The following LRRC49 variants were observed in gnomAD, a reference collection of about 807,000 sequenced individuals.
LRRC49 encodes the protein leucine-rich repeat-containing protein 49.
In LRRC49, 50 loss-of-function variants were observed where a neutral mutation model predicts 83.3. The observed-to-expected ratio is 0.60, with a 90% CI of 0.48 to 0.76. The LOEUF is 0.76. Among genes scored for constraint, LRRC49 ranks in the 30% least tolerant of loss-of-function variants. LRRC49 has a pLI of 0.00. For synonymous variants in LRRC49, 286 were observed against 283.3 expected (o/e 1.01, Z -0.10); for missense variants, 704 against 809.1 (o/e 0.87, Z 1.58).
At chr15:70,873,585 T>C (rs150346183) in intron 2 of LRRC49, among the ~76,000 whole-genome samples, 1 of 152,268 alleles carries the variant, frequency 6.6e-6, no homozygotes, top group African/African-American at 2.4e-5. Flanking sequence ...AGCTGGCATG[T>C]TGGAGGCAGC....
chr15:71,024,003 C>G (rs894129), intron 14 of LRRC49, among the ~76,000 whole-genome samples: 151,942 of 152,318 alleles, frequency 1, 75,783 homozygotes, highest in Non-Finnish European at 1. Flanking sequence ...CTCCCAGAGA[C>G]AGGAATGGCA....
chr15:70,856,796 G>GGA (rs916443658), intron 1 of LRRC49, among the ~76,000 whole-genome samples: 7 of 152,130 alleles, frequency 4.6e-5, no homozygotes, highest in Non-Finnish European at 7.4e-5. Flanking sequence ...TGTCTAGCAG[G>GGA]GAGCCTTCAT....
rs2034287431 is a variant in LRRC49 at position 70,905,921 on chromosome 15, T to C, written c.500+1166T>C. ...CAGATACTTCTATCTATCTGGAAAA[T>C]AGATCAGAGAATTCTTTTTATGGCC... On this transcript the variant is annotated intron_variant, in intron 5 of 15. Transcript: ENST00000260382. 2.6e-5 allele frequency among the ~76,000 whole-genome samples: 4 copies of C among 151,802 alleles called. No homozygotes were observed. In the South Asian group the frequency reaches 8.3e-4, roughly 32 times the overall value.
chr15:70,932,389 C>A (rs1196000879), intron 7 of LRRC49, among the ~76,000 whole-genome samples: 2 of 152,000 alleles, frequency 1.3e-5, no homozygotes, highest in Non-Finnish European at 1.5e-5. Flanking sequence ...AGGAATACTT[C>A]ATTGTTTTTT....
intron 5 of LRRC49, among the ~76,000 whole-genome samples, chr15:70,910,479 G>C (rs1054639834): frequency 1.3e-5 from 2 of 152,168 alleles, no homozygotes; most frequent in African/African-American, 4.8e-5. Context: ...CTTTGAGGCA[G>C]TAAACAAGGA....
chr15:70,887,081 AAAC>A (rs2141088657), intron 2 of LRRC49, among the ~76,000 whole-genome samples: 1 of 152,326 alleles, frequency 6.6e-6, no homozygotes, highest in East Asian at 1.9e-4. Flanking sequence ...CAAAATGGAT[AAAC>A]AAAAGAACTC....
At chr15:70,856,442 G>A (rs2032655468) in intron 1 of LRRC49, among the ~76,000 whole-genome samples, 1 of 151,934 alleles carries the variant, frequency 6.6e-6, no homozygotes, top group Non-Finnish European at 1.5e-5. Context: ...TACTCTTAGG[G>A]GTACCCATTA....
intron 8 of LRRC49, among the ~76,000 whole-genome samples, chr15:70,943,848 A>C (rs1453746250): frequency 6.6e-6 from 1 of 152,130 alleles, no homozygotes; most frequent in African/African-American, 2.4e-5. Flanking sequence ...TGCTGCAACC[A>C]ATTCTTATTT....
Position 71,053,557 on chromosome 15 carries a change from A to T in LRRC49, c.*3945A>T, listed in dbSNP as rs1051476847. ...ATGAGTTGGGAGTTGAGAAGTATAG[A>T]TTGGGCTAGAATTATAGAATTTGGA... is the stretch of plus-strand genomic sequence containing the variant. On this transcript the variant is annotated 3_prime_UTR_variant, in exon 16 of 16. Coordinates refer to ENST00000260382, the MANE Select transcript of LRRC49 (RefSeq NM_017691.5). 1.3e-5 allele frequency: 2 copies of T among 152,234 alleles called. No individual in the cohort carries two copies. The highest frequency in any genetic ancestry group is 2.9e-5 in the Non-Finnish European group (2 of 68,056). The allele number at this position is 152,234 out of a possible 1,614,324, so 9.4% of individuals were successfully genotyped here.
chr15:70,938,049 A>T (rs1421547789), intron 8 of LRRC49, among the ~76,000 whole-genome samples: 2 of 152,238 alleles, frequency 1.3e-5, no homozygotes, highest in Non-Finnish European at 2.9e-5. Context: ...TCTGTTTAAG[A>T]TACAAACTTT....
intron 8 of LRRC49, among the ~76,000 whole-genome samples, chr15:70,943,079 T>C (rs932100892): frequency 6.6e-6 from 1 of 152,146 alleles, no homozygotes. Flanking sequence ...ATTCTGGGCA[T>C]TGTGGATGTT....
At chr15:70,867,676 G>A (rs2032941613) in intron 1 of LRRC49, among the ~76,000 whole-genome samples, 1 of 152,162 alleles carries the variant, frequency 6.6e-6, no homozygotes, top group Admixed American at 6.5e-5. Context: ...AAGATGCCAT[G>A]GGCCTAACAG....
chr15:70,909,528 A>G (rs1054486746), intron 5 of LRRC49, among the ~76,000 whole-genome samples: 1 of 152,138 alleles, frequency 6.6e-6, no homozygotes, highest in Non-Finnish European at 1.5e-5. Context: ...CAAAGCAGGC[A>G]AAGGAAAAAT....
chr15:70,924,225 T>C lies in LRRC49; in HGVS notation c.711+5032T>C, dbSNP rs865927869. 9.2e-5 allele frequency among the ~76,000 whole-genome samples: 14 copies of C among 151,942 alleles called. No individual in the cohort carries two copies. The South Asian group carries it at 1.0e-3, about 11-fold the overall frequency. Reference sequence around the variant, plus strand: ...TATTCTTTAACTTCCAACCTTTCTCTTAAAAAGAATGCATAGCCCCCCTTT... The same window carrying C: ...TATTCTTTAACTTCCAACCTTTCTCCTAAAAAGAATGCATAGCCCCCCTTT... On this transcript the variant is annotated intron_variant, in intron 7 of 15. Coordinates refer to ENST00000260382, the MANE Select transcript of LRRC49 (RefSeq NM_017691.5).
chr15:70,858,510 A>G (rs1258640995), intron 1 of LRRC49, among the ~76,000 whole-genome samples: 1 of 152,248 alleles, frequency 6.6e-6, no homozygotes, highest in East Asian at 1.9e-4. Context: ...AGGGTGAGGC[A>G]GGAAAATCGC....
Position 70,892,943 on chromosome 15 carries a change from G to GT in LRRC49, c.48+2dup. The GT allele has an allele frequency of 3.1e-6, 5 of 1,614,170 alleles. No individual in the cohort carries two copies. Among genetic ancestry groups the GT allele is most frequent in the Non-Finnish European group, 4.2e-6 (5 of 1,180,014 alleles). On this transcript the variant is annotated splice_donor_variant, in intron 1 of 15. Coordinates refer to ENST00000260382, the MANE Select transcript of LRRC49 (RefSeq NM_017691.5). LOFTEE classifies it high-confidence loss of function. ...TGTTTCTGGCCGGGCTGCGAACAACGTAAGTTGGGCCTTCTACTTTCTCTT... is the reference window on the plus strand; with the variant it reads ...TGTTTCTGGCCGGGCTGCGAACAACGTTAAGTTGGGCCTTCTACTTTCTCTT...
intron 3 of LRRC49, among the ~76,000 whole-genome samples, chr15:70,899,724 A>G (rs1329042873): frequency 2.0e-5 from 3 of 152,090 alleles, no homozygotes; most frequent in Non-Finnish European, 4.4e-5. Flanking sequence ...AGTTGTCATT[A>G]TATTGTCTGG....
intron 1 of LRRC49, chr15:70,854,208 G>A: frequency 1.5e-6 from 1 of 663,538 alleles, no homozygotes; most frequent in Non-Finnish European, 2.0e-6. Flanking sequence ...CGGCCCAGGG[G>A]AGGGACAGGG....
intron 3 of LRRC49, among the ~76,000 whole-genome samples, chr15:70,897,630 A>G (rs893346530): frequency 1.3e-5 from 2 of 152,194 alleles, no homozygotes; most frequent in Admixed American, 6.5e-5. Context: ...CTTGATACCC[A>G]ATCATTATAA....
Sources: allele counts gnomAD v4.1 joint callset (sites outside exome capture counted in the v4.1 genomes callset), GRCh38; gene constraint gnomAD v4.1.1; transcripts MANE v1.5; gene names NCBI Gene and HGNC (gene_info 2026-07-23, HGNC 2026-07-21).